EIF4G3: variants seen among roughly 807,000 people sequenced by gnomAD.
The protein encoded by EIF4G3 is eIF-4-gamma 3.
Under a neutral mutation model 186.4 loss-of-function variants are expected in EIF4G3, and 34 were observed. The ratio of observed to expected loss-of-function variants is 0.18; its 90% CI spans 0.14 to 0.24. EIF4G3 has a LOEUF of 0.24. EIF4G3 is among the 10% of genes least tolerant of loss of function. EIF4G3 has a pLI of 1.00. For missense variants in EIF4G3, 1,536 were observed against 1,948.5 expected (o/e 0.79, Z 3.99); for synonymous variants, 673 against 679.5 (o/e 0.99, Z 0.15).
At chr1:21,021,682 A>G (rs1006451432) in intron 4 of EIF4G3, among the ~76,000 whole-genome samples, 1 of 152,120 alleles carries the variant, frequency 6.6e-6, no homozygotes, top group Admixed American at 6.5e-5. Flanking sequence ...CAGCCTTCCA[A>G]GTAGCTGGGA....
intron 32 of EIF4G3, 53 bp from the exon 33 acceptor site, chr1:20,825,251 G>GAAAAAAAAAA (rs71585786): frequency 1.5e-4 from 34 of 231,710 alleles, no homozygotes; most frequent in South Asian, 4.0e-4. Context: ...AGAAGAAACA[G>GAAAAAAAAAA]AAAAAAAAAA....
In EIF4G3 at chr1:21,149,330, A is replaced by G. The variant is rs77299272; in HGVS notation, c.-272+26845T>C. Among the ~76,000 whole-genome samples the G allele has an allele frequency of 1.8e-3, 268 of 152,300 alleles. 9 individuals are homozygous for G. In the East Asian group the frequency reaches 0.046, roughly 26 times the overall value. On this transcript the variant is annotated intron_variant, in intron 2 of 36. Transcript: ENST00000602326. Reference sequence around the variant, plus strand: ...ACATCAATGAGTTAGAGTTATGAGTAAACTGTTATTCTTTTTTTTTCCCTG... The same window carrying G: ...ACATCAATGAGTTAGAGTTATGAGTGAACTGTTATTCTTTTTTTTTCCCTG...
rs201892788 is a variant in EIF4G3, at chr1:21,053,998, G to A, written c.-195-3004C>T. ...CAACAGCTCATTGAGAACGGGCCAC[G>A]ATGACAATGGCGGTTTTGTGGAATA... is the stretch of plus-strand genomic sequence containing the variant. On this transcript the variant is annotated intron_variant, in intron 3 of 36. Transcript: ENST00000602326. Among the ~76,000 whole-genome samples, 6 of 152,322 alleles carry A rather than the reference G, an allele frequency of 3.9e-5. No individual in the cohort carries two copies. The East Asian group carries it at 9.7e-4, about 25-fold the overall frequency.
intron 2 of EIF4G3, among the ~76,000 whole-genome samples, chr1:21,153,024 AT>A (rs989748836): frequency 6.6e-6 from 1 of 152,196 alleles, no homozygotes; most frequent in African/African-American, 2.4e-5. Context: ...TAATCACAAA[AT>A]GATTCCTAAA....
intron 2 of EIF4G3, among the ~76,000 whole-genome samples, chr1:21,120,448 T>C (rs1391171331): frequency 6.6e-6 from 1 of 151,794 alleles, no homozygotes; most frequent in South Asian, 2.1e-4. Flanking sequence ...GCTAATGTGG[T>C]GAAACCTCGT....
At chr1:20,944,252 C>T (rs911532680) in intron 13 of EIF4G3, among the ~76,000 whole-genome samples, 1 of 151,934 alleles carries the variant, frequency 6.6e-6, no homozygotes, top group African/African-American at 2.4e-5. Context: ...TGATGGCTCG[C>T]ATCTGTAATC....
chr1:20,839,471 C>T (rs1230235530), intron 30 of EIF4G3, among the ~76,000 whole-genome samples: 1 of 152,164 alleles, frequency 6.6e-6, no homozygotes, highest in Non-Finnish European at 1.5e-5. Context: ...GAAGACAACG[C>T]TGTCATTGCT....
intron 6 of EIF4G3, chr1:20,999,630 T>G (rs980635954): frequency 1.3e-5 from 5 of 398,740 alleles, no homozygotes; most frequent in African/African-American, 2.1e-5. Flanking sequence ...ATTACATATA[T>G]ATAAAAACAA....
chr1:21,176,226 A>ACCGCTGCCGCCGCCGCCG lies in EIF4G3; in HGVS notation c.-341_-324dup, dbSNP rs1245721555. ...CCTGATGTTCGGGTGAGGAGGGGGG[A>ACCGCTGCCGCCGCCGCCG]CCGCTGCCGCCGCCGCCGCCGCCGC... On this transcript the variant is annotated 5_prime_UTR_variant, in exon 2 of 37. Transcript: ENST00000602326. The ACCGCTGCCGCCGCCGCCG allele has an allele frequency of 5.0e-6, 2 of 400,500 alleles. No homozygotes were observed. The highest frequency in any genetic ancestry group is 2.3e-5 in the African/African-American group (1 of 43,438). 24.8% of individuals were successfully genotyped at this position (400,500 alleles called of 1,614,324 possible).
intron 10 of EIF4G3, among the ~76,000 whole-genome samples, chr1:20,979,366 T>C (rs2077498074): frequency 6.6e-6 from 1 of 152,204 alleles, no homozygotes; most frequent in Non-Finnish European, 1.5e-5. Context: ...ACAGGTTCAC[T>C]GAGTTATATT....
At chr1:20,841,689 G>A (rs1163792634) in intron 29 of EIF4G3, among the ~76,000 whole-genome samples, 1 of 152,216 alleles carries the variant, frequency 6.6e-6, no homozygotes, top group Non-Finnish European at 1.5e-5. Flanking sequence ...TTACTATAGA[G>A]TATCCAGCCA....
At chr1:21,124,057 G>A (rs978069666) in intron 2 of EIF4G3, among the ~76,000 whole-genome samples, 12 of 152,210 alleles carry the variant, frequency 7.9e-5, no homozygotes, top group South Asian at 6.2e-4. Flanking sequence ...TTGGGAGGCC[G>A]AGGCAGGTGG....
intron 12 of EIF4G3, among the ~76,000 whole-genome samples, chr1:20,950,861 G>C (rs2096181094): frequency 6.6e-6 from 1 of 152,126 alleles, no homozygotes; most frequent in Non-Finnish European, 1.5e-5. Flanking sequence ...AGAGGGAACA[G>C]AATTACACAA....
At chr1:20,917,528 C>A (rs1350164609) in intron 14 of EIF4G3, among the ~76,000 whole-genome samples, 1 of 152,042 alleles carries the variant, frequency 6.6e-6, no homozygotes, top group Non-Finnish European at 1.5e-5. Flanking sequence ...AGACAAAAAA[C>A]AGTTTATGCT....
At position 20,879,533 on chromosome 1, in the gene EIF4G3, C is replaced by T. The variant is rs1462577147; in HGVS notation, c.2425-13G>A. 8 of 1,377,326 alleles carry T rather than the reference C, an allele frequency of 5.8e-6. No individual in the cohort carries two copies. Among genetic ancestry groups the T allele is most frequent in the African/African-American group, 1.5e-5 (1 of 67,384 alleles). 85.3% of individuals were successfully genotyped at this position (1,377,326 alleles called of 1,614,324 possible). ...TTCTAAAAAGCTCCTAGAAGGGCCA[C>T]AAAAAAGAAAAAAGCATTAGAGTAA... On this transcript the variant is annotated splice_polypyrimidine_tract_variant and intron_variant, in intron 19 of 36. Coordinates refer to ENST00000602326, the MANE Select transcript of EIF4G3 (RefSeq NM_001391906.1).
chr1:20,809,972 AT>A (rs1414842510), intron 36 of EIF4G3, among the ~76,000 whole-genome samples: 1 of 151,474 alleles, frequency 6.6e-6, no homozygotes, highest in Non-Finnish European at 1.5e-5. Context: ...CATATAACAA[AT>A]TCATTTTTTT....
chr1:21,131,695 A>T (rs956765145), intron 2 of EIF4G3, among the ~76,000 whole-genome samples: 3 of 152,156 alleles, frequency 2.0e-5, no homozygotes, highest in African/African-American at 4.8e-5. Context: ...ACTTTAAAAG[A>T]GTGTGGCTGG....
At chr1:21,008,663 A>C (rs1050929913) in intron 4 of EIF4G3, among the ~76,000 whole-genome samples, 13 of 152,166 alleles carry the variant, frequency 8.5e-5, no homozygotes, top group African/African-American at 3.1e-4. Flanking sequence ...GAAATTTATT[A>C]TTAAATCAAT....
At chr1:20,819,490 C>T (rs1395626637) in intron 33 of EIF4G3, among the ~76,000 whole-genome samples, 2 of 151,454 alleles carry the variant, frequency 1.3e-5, no homozygotes, top group East Asian at 1.9e-4. Flanking sequence ...CAGGGTCTTG[C>T]TCTTTTGCCC....
Sources: allele counts gnomAD v4.1 joint callset (sites outside exome capture counted in the v4.1 genomes callset), GRCh38; gene constraint gnomAD v4.1.1; transcripts MANE v1.5; gene names NCBI Gene and HGNC (gene_info 2026-07-23, HGNC 2026-07-21).